DNMT3B: variants seen among roughly 807,000 people sequenced by gnomAD.
DNMT3B encodes DNA (cytosine-5)-methyltransferase 3B.
A neutral mutation model predicts 120.2 loss-of-function variants in DNMT3B; 37 were observed. The ratio of observed to expected loss-of-function variants is 0.31; its 90% CI spans 0.24 to 0.40. DNMT3B has a LOEUF of 0.40. Among genes scored for constraint, DNMT3B ranks in the 10% least tolerant of loss-of-function variants. DNMT3B has a pLI of 1.00. For synonymous variants in DNMT3B, 412 were observed against 442.8 expected (o/e 0.93, Z 0.87); for missense variants, 878 against 1,137.3 (o/e 0.77, Z 3.28).
In DNMT3B at chr20:32,795,637, C is replaced by G. The variant is rs764972167; in HGVS notation, c.1253-13C>G. 6 of 1,614,062 alleles carry G rather than the reference C, an allele frequency of 3.7e-6. No homozygotes were observed. The South Asian group carries it at 6.6e-5, about 18-fold the overall frequency. The stretch of plus-strand genomic sequence containing the variant: ...CCCTGACCTCATCTCATGCCTTCTT[C>G]TTTTCTCAATAGAACAAATGGCTTC... On this transcript the variant is annotated splice_polypyrimidine_tract_variant and intron_variant, in intron 11 of 22. Coordinates refer to ENST00000328111, the MANE Select transcript of DNMT3B (RefSeq NM_006892.4).
At chr20:32,800,111 C>T (rs1177973403) in intron 16 of DNMT3B, 42 bp from the exon 17 acceptor site, 1 of 1,613,574 alleles carries the variant, frequency 6.2e-7, no homozygotes, top group African/African-American at 1.3e-5. Context: ...CTGCTGTGTG[C>T]TCAGCATCAT....
rs1165385975 is a variant in DNMT3B at position 32,795,491 on chromosome 20, C to T, written c.1209C>T (p.Cys403=). The change falls in exon 11 of 23, where the codon TGC becomes TGT. Residue 403 remains cysteine, a synonymous_variant. Coordinates refer to ENST00000328111, the MANE Select transcript of DNMT3B (RefSeq NM_006892.4). ...CACCCAAGCGCCTCAAGACAAATTG[C>T]TATAACAACGGCAAAGACCGAGGGG... is the stretch of plus-strand genomic sequence containing the variant. ...CPAPKRLKTN[C]YNNGKDRGDE... is the part of the protein sequence containing the mutation. 1 of 1,614,186 alleles carries T rather than the reference C, an allele frequency of 6.2e-7. No homozygotes were observed. The highest frequency in any genetic ancestry group is 1.1e-5 in the South Asian group (1 of 91,080).
chr20:32,762,881 C>G (rs2145821221), intron 1 of DNMT3B, among the ~76,000 whole-genome samples, 182 bp downstream of exon 1: 2 of 152,048 alleles, frequency 1.3e-5, no homozygotes, highest in Admixed American at 1.3e-4. Flanking sequence ...CGTCCACGGA[C>G]CCTGCTTGGG....
chr20:32,778,593 T>C (rs1568827837), intron 1 of DNMT3B, among the ~76,000 whole-genome samples: 1 of 152,210 alleles, frequency 6.6e-6, no homozygotes, highest in Non-Finnish European at 1.5e-5. Context: ...ATTGCACCTC[T>C]GCCTGGGGGC....
chr20:32,787,514 T>C, intron 6 of DNMT3B, 63 bp downstream of exon 6: 1 of 1,532,176 alleles, frequency 6.5e-7, no homozygotes, highest in African/African-American at 1.4e-5. Context: ...GAAAAACCAG[T>C]TACCTGCTAC....
At chr20:32,803,096 C>G (rs1386618737) in intron 20 of DNMT3B, among the ~76,000 whole-genome samples, 1 of 152,150 alleles carries the variant, frequency 6.6e-6, no homozygotes, top group East Asian at 1.9e-4. Context: ...AACAATAGCC[C>G]AAAGACTATG....
At position 32,791,588 on chromosome 20, in the gene DNMT3B, C is replaced by G. The variant is rs778056755; in HGVS notation, c.814-13C>G. On this transcript the variant is annotated splice_polypyrimidine_tract_variant and intron_variant, in intron 7 of 22. Transcript: ENST00000328111. ...ACCTGTAGGTGGATGTTGATGATGTCTTTCTCTTTTAGGTCTCTGCAGACA... is the reference window on the plus strand; with the variant it reads ...ACCTGTAGGTGGATGTTGATGATGTGTTTCTCTTTTAGGTCTCTGCAGACA... 1.2e-6 allele frequency: 2 copies of G among 1,613,950 alleles called. No homozygotes were observed. The highest frequency in any genetic ancestry group is 1.3e-5 in the African/African-American group (1 of 75,050).
chr20:32,793,427 C>G, intron 9 of DNMT3B, 109 bp from the exon 10 acceptor site: 1 of 1,246,932 alleles, frequency 8.0e-7, no homozygotes, highest in Non-Finnish European at 1.1e-6. Flanking sequence ...GAGATCGCAC[C>G]ACTGCATTCA....
In DNMT3B at chr20:32,808,320, G is replaced by A. The variant is rs1408372779; in HGVS notation, c.*417G>A. On this transcript the variant is annotated 3_prime_UTR_variant, in exon 23 of 23. Transcript: ENST00000328111. ...ATCATCCAAGACAGTTATTGCAAGAGTTTAATTTTTGAAAACTGGCTACTG... is the reference window on the plus strand; with the variant it reads ...ATCATCCAAGACAGTTATTGCAAGAATTTAATTTTTGAAAACTGGCTACTG... 3.2e-6 allele frequency: 1 copy of A among 312,710 alleles called. No homozygotes were observed. The highest frequency in any genetic ancestry group is 5.0e-5 in the East Asian group (1 of 20,124). The allele number at this position is 312,710 out of a possible 1,614,324, so 19.4% of individuals were successfully genotyped here. A position where few individuals can be genotyped will look rare whatever the true frequency, so the allele number is the denominator to read the frequency against.
intron 1 of DNMT3B, among the ~76,000 whole-genome samples, chr20:32,766,170 C>T (rs1328501873): frequency 2.6e-5 from 4 of 152,064 alleles, no homozygotes; most frequent in Non-Finnish European, 5.9e-5. Context: ...GTGATAAAAC[C>T]GTGACTCTAC....
At chr20:32,801,862 G>C (rs1981386193) in intron 19 of DNMT3B, among the ~76,000 whole-genome samples, 1 of 152,168 alleles carries the variant, frequency 6.6e-6, no homozygotes, top group African/African-American at 2.4e-5. Flanking sequence ...TGGAGATAGA[G>C]ATGTGAGCCA....
intron 7 of DNMT3B, 51 bp from the exon 8 acceptor site, chr20:32,791,550 G>A (rs918695122): frequency 6.4e-7 from 1 of 1,568,916 alleles, no homozygotes; most frequent in Non-Finnish European, 8.8e-7. Context: ...GATAGACATG[G>A]CACCTGGGAC....
At chr20:32,780,124 A>G (rs1451085816) in intron 1 of DNMT3B, 194 bp from the exon 2 acceptor site, 9 of 1,613,690 alleles carry the variant, frequency 5.6e-6, no homozygotes, top group Non-Finnish European at 6.8e-6. Context: ...ACATGGAACC[A>G]AGTCCTGAGC....
intron 1 of DNMT3B, among the ~76,000 whole-genome samples, chr20:32,766,328 C>A (rs1987365861): frequency 6.6e-6 from 1 of 151,808 alleles, no homozygotes; most frequent in African/African-American, 2.4e-5. Context: ...GGGCGACAGA[C>A]CGAGACCCTG....
intron 1 of DNMT3B, among the ~76,000 whole-genome samples, chr20:32,779,112 G>A (rs1277150216): frequency 6.6e-6 from 1 of 152,202 alleles, no homozygotes; most frequent in East Asian, 1.9e-4. Context: ...TCCCAGGCAC[G>A]GTTCCAGGAC....
At chr20:32,804,343 C>T (rs760488193) in intron 20 of DNMT3B, among the ~76,000 whole-genome samples, 3 of 152,140 alleles carry the variant, frequency 2.0e-5, no homozygotes, top group Non-Finnish European at 4.4e-5. Flanking sequence ...CCCTCAGCTC[C>T]CCTGGGTCCA....
Position 32,786,551 on chromosome 20 carries a change from C to T in DNMT3B, c.356C>T (p.Pro119Leu), listed in dbSNP as rs1228962376. The T allele has an allele frequency of 6.2e-7, 1 of 1,614,024 alleles. No individual in the cohort carries two copies. The highest frequency in any genetic ancestry group is 8.5e-7 in the Non-Finnish European group (1 of 1,180,042). The part of the protein sequence containing the change: ...NSVSSRERHR[P>L]SPRSTRGRQG... ...GTCTCCAGCCGGGAGAGGCACAGGC[C>T]TTCCCCACGTTCCACCCGAGGCCGG... The change falls in exon 5 of 23, where the codon CCT becomes CTT. Residue 119 changes from proline (P) to leucine (L), a missense_variant. This residue lies in a region of DNMT3B where 287 missense variants were observed against 306.2 expected (regional missense o/e 0.94). Transcript: ENST00000328111.
rs761348229 is a variant in DNMT3B at position 32,809,309 on chromosome 20, G to A, written c.*1406G>A. On this transcript the variant is annotated 3_prime_UTR_variant, in exon 23 of 23. Coordinates refer to ENST00000328111, the MANE Select transcript of DNMT3B (RefSeq NM_006892.4). ...GCTAATTTTTAGGCTGAAAGATGAC[G>A]GATGCCTAGAGTTTACCTTATGTTT... 8.0e-5 allele frequency: 17 copies of A among 213,372 alleles called. No individual in the cohort carries two copies. The highest frequency in any genetic ancestry group is 4.1e-4 in the Admixed American group (7 of 17,106). The allele number at this position is 213,372 out of a possible 1,614,324, so 13.2% of individuals were successfully genotyped here.
At chr20:32,791,800 G>A (rs1175266294) in intron 8 of DNMT3B, 92 bp downstream of exon 8, 3 of 1,411,010 alleles carry the variant, frequency 2.1e-6, no homozygotes, top group Admixed American at 1.8e-5. Context: ...GCCAAGGGTG[G>A]TTTGGAGGGG....
Sources: gnomAD v4.1 joint callset for allele counts (sites outside exome capture counted in the v4.1 genomes callset) on GRCh38, gnomAD v4.1.1 for gene constraint, gnomAD v4.1.1 regional missense constraint, MANE v1.5 for transcripts, NCBI Gene and HGNC (gene_info 2026-07-23, HGNC 2026-07-21) for gene names.